The following NEK10 variants were observed in gnomAD, a reference collection of about 807,000 sequenced individuals.
The protein encoded by NEK10 is NIMA related kinase 10.
NEK10 carries 122 observed loss-of-function variants against 159.8 expected under a neutral mutation model. The ratio of observed to expected loss-of-function variants is 0.76; its 90% confidence interval spans 0.66 to 0.89. The LOEUF is 0.89. Ranked by LOEUF, NEK10 falls within the 40% of genes least tolerant of loss-of-function variation. The pLI, the probability that NEK10 is intolerant of heterozygous loss-of-function variation, is 0.00. For missense variants in NEK10, 1,342 were observed against 1,323.1 expected (o/e 1.01, Z -0.22); for synonymous variants, 466 against 457.1 (o/e 1.02, Z -0.25).
At chr3:27,136,700 T>G (rs554226964) in intron 31 of NEK10, among the ~76,000 whole-genome samples, 10 of 152,294 alleles carry the variant, frequency 6.6e-5, no homozygotes, top group Admixed American at 1.3e-4. Context: ...AAAACAGAGG[T>G]CAAATCAGTT....
intron 22 of NEK10, among the ~76,000 whole-genome samples, chr3:27,281,629 T>C: frequency 6.6e-6 from 1 of 152,032 alleles, no homozygotes; most frequent in South Asian, 2.1e-4. Context: ...CCAAAAAACA[T>C]AACGCCCAAA....
At chr3:27,163,074 T>C (rs762027991) in intron 29 of NEK10, among the ~76,000 whole-genome samples, 1 of 151,892 alleles carries the variant, frequency 6.6e-6, no homozygotes, top group Non-Finnish European at 1.5e-5. Context: ...AAATGTTATA[T>C]ATAGTATTTT....
chr3:27,353,619 G>A (rs551212047), intron 1 of NEK10, among the ~76,000 whole-genome samples: 118 of 152,210 alleles, frequency 7.8e-4, no homozygotes, highest in African/African-American at 2.3e-3. Context: ...ACAATTAAGA[G>A]CCAGGGACCA....
At chr3:27,144,592 G>A (rs1045130289) in intron 30 of NEK10, among the ~76,000 whole-genome samples, 4 of 152,058 alleles carry the variant, frequency 2.6e-5, no homozygotes, top group African/African-American at 9.7e-5. Context: ...CAATCTGATT[G>A]CTTTTGTATT....
At chr3:27,309,131 T>C (rs897619533) in intron 9 of NEK10, 126 bp from the exon 10 acceptor site, 34 of 537,506 alleles carry the variant, frequency 6.3e-5, no homozygotes, top group Non-Finnish European at 6.0e-5. Flanking sequence ...CTTAAGATCA[T>C]ATAGGCTTAA....
intron 30 of NEK10, among the ~76,000 whole-genome samples, chr3:27,160,957 T>A (rs1945963744): frequency 6.6e-6 from 1 of 152,128 alleles, no homozygotes; most frequent in African/African-American, 2.4e-5. Context: ...TAACAATATA[T>A]GAATCAGCAG....
chr3:27,202,888 T>C (rs1458591900), intron 23 of NEK10, among the ~76,000 whole-genome samples: 1 of 152,182 alleles, frequency 6.6e-6, no homozygotes, highest in Non-Finnish European at 1.5e-5. Context: ...TGGGAGCTTC[T>C]GTACATCCCA....
intron 22 of NEK10, among the ~76,000 whole-genome samples, chr3:27,259,593 C>T (rs1559378387): frequency 1.3e-5 from 2 of 152,150 alleles, no homozygotes; most frequent in Non-Finnish European, 2.9e-5. Flanking sequence ...TGTTTTGGTA[C>T]CAGTACCATG....
At chr3:27,187,266 C>A (rs938171793) in intron 26 of NEK10, among the ~76,000 whole-genome samples, 3 of 152,180 alleles carry the variant, frequency 2.0e-5, no homozygotes, top group African/African-American at 7.2e-5. Context: ...TTCTCCTGTA[C>A]TCTGTTGCCA....
chr3:27,195,990 G>A lies in NEK10; in HGVS notation c.2292-3748C>T, dbSNP rs118138810. ...AAACAAGCCCATGAAGTTAAGGGAG[G>A]AGACCACCCTCATATTGTCTTATGC... On this transcript the variant is annotated intron_variant, in intron 25 of 35. Transcript: ENST00000691995. 6.6e-3 allele frequency among the ~76,000 whole-genome samples: 1,010 copies of A among 152,170 alleles called. 12 individuals carry two copies. The highest frequency in any genetic ancestry group is 0.032 in the East Asian group (168 of 5,178).
In NEK10 at chr3:27,346,114, T is replaced by C. The variant is rs2047533600; in HGVS notation, c.235A>G (p.Thr79Ala). 1 of 1,613,748 alleles carries C rather than the reference T, an allele frequency of 6.2e-7. No individual in the cohort carries two copies. The highest frequency in any genetic ancestry group is 8.5e-7 in the Non-Finnish European group (1 of 1,179,704). ...AAATTTTCAAGTTCAACAGCTTCTG[T>C]GGATTCATGCCACTGACCCCGAGCT... ...HRARGQWHES[T>A]EAVELENFSI... Residue 79 changes from threonine (T) to alanine (A), a missense_variant, in exon 4 of 36, where the codon ACA becomes GCA. Coordinates refer to ENST00000691995, the MANE Select transcript of NEK10 (RefSeq NM_001394966.1).
intron 22 of NEK10, among the ~76,000 whole-genome samples, chr3:27,281,048 T>C (rs1419502708): frequency 6.6e-6 from 1 of 151,048 alleles, no homozygotes; most frequent in African/African-American, 2.4e-5. Flanking sequence ...CAGGGTTCCA[T>C]AAAAATAAAA....
At chr3:27,292,432 A>C (rs988212997) in intron 16 of NEK10, among the ~76,000 whole-genome samples, 1 of 152,214 alleles carries the variant, frequency 6.6e-6, no homozygotes, top group Admixed American at 6.5e-5. Flanking sequence ...TGAAAAATAA[A>C]ACAAATAAAG....
At chr3:27,271,187 CTAT>C (rs2041325950) in intron 22 of NEK10, among the ~76,000 whole-genome samples, 2 of 151,616 alleles carry the variant, frequency 1.3e-5, no homozygotes, top group African/African-American at 4.9e-5. Flanking sequence ...ATCTATCTAT[CTAT>C]CTATCTACCT....
chr3:27,118,137 G>A (rs1940754679), intron 33 of NEK10, among the ~76,000 whole-genome samples: 1 of 152,136 alleles, frequency 6.6e-6, no homozygotes, highest in Non-Finnish European at 1.5e-5. Flanking sequence ...CAGATGTATG[G>A]TCCTATTTCT....
At chr3:27,332,790 CT>C (rs1245004497) in intron 5 of NEK10, among the ~76,000 whole-genome samples, 1 of 152,174 alleles carries the variant, frequency 6.6e-6, no homozygotes, top group Non-Finnish European at 1.5e-5. Flanking sequence ...TCATAACAAC[CT>C]GGTCTTGGAT....
chr3:27,219,565 T>G (rs1951884413), intron 23 of NEK10, among the ~76,000 whole-genome samples: 1 of 152,262 alleles, frequency 6.6e-6, no homozygotes, highest in Admixed American at 6.5e-5. Flanking sequence ...TATTCAAAAA[T>G]CCAAACTGTT....
chr3:27,291,322 A>G lies in NEK10; in HGVS notation c.1545T>C (p.Tyr515=). ...GATCCAAAATTGCATAGTTGCCTAT[A>G]TATTTCAAAGGAGCTTTGTTCTGAT... is the stretch of plus-strand genomic sequence containing the variant. The part of the protein sequence containing the change: ...SINQNKAPLK[Y]IGNYAILDHL... The change falls in exon 18 of 36, where the codon TAT becomes TAC. Residue 515 remains tyrosine, a synonymous_variant. Transcript: ENST00000691995. 3 of 1,613,664 alleles carry G rather than the reference A, an allele frequency of 1.9e-6. No individual in the cohort carries two copies. Among genetic ancestry groups the G allele is most frequent in the Non-Finnish European group, 2.5e-6 (3 of 1,179,620 alleles).
intron 26 of NEK10, among the ~76,000 whole-genome samples, chr3:27,177,129 C>G: frequency 6.6e-6 from 1 of 152,244 alleles, no homozygotes; most frequent in East Asian, 1.9e-4. Context: ...ATTTCATCCA[C>G]GGGTAATTGA....
Sources: allele counts gnomAD v4.1 joint callset (sites outside exome capture counted in the v4.1 genomes callset), GRCh38; gene constraint gnomAD v4.1.1; transcripts MANE v1.5; gene names NCBI Gene and HGNC (gene_info 2026-07-23, HGNC 2026-07-21).